Variants in BCAS3 observed in about 807,000 individuals in gnomAD.
BCAS3 encodes BCAS3 microtubule associated cell migration factor.
A neutral mutation model predicts 116.1 loss-of-function variants in BCAS3; 53 were observed. The observed-to-expected ratio is 0.46, with a 90% CI of 0.37 to 0.57. The LOEUF (loss-of-function observed/expected upper bound fraction) is 0.57, where lower values mean the gene tolerates loss of function less well. Ranked by LOEUF, BCAS3 falls within the 20% of genes least tolerant of loss-of-function variation. The probability of loss-of-function intolerance (pLI) is 0.00; values close to 1 mark genes in which losing one functional copy is unlikely to be tolerated. For synonymous variants in BCAS3, 391 were observed against 408.2 expected, an observed-to-expected ratio of 0.96 and a Z score of 0.51; for missense variants, 917 against 1,165.4, an observed-to-expected ratio of 0.79 and a Z score of 3.10.
intron 7 of BCAS3, among the ~76,000 whole-genome samples, chr17:60,832,642 TA>T (rs1420223157): frequency 6.6e-6 from 1 of 152,198 alleles, no homozygotes; most frequent in African/African-American, 2.4e-5. Flanking sequence ...ATTCCAAATG[TA>T]AAGAGGTTAT....
rs1209789861 is a variant in BCAS3, at chr17:61,046,084, AT to A, written c.2029+5193del. Among the ~76,000 whole-genome samples, 224 of 36,520 alleles carry A rather than the reference AT, an allele frequency of 6.1e-3. 27 individuals are homozygous for A. The highest frequency in any genetic ancestry group is 0.051 in the African/African-American group (206 of 4,014). 24.0% of individuals were successfully genotyped at this position (36,520 alleles called of 152,430 possible). A position where few individuals can be genotyped will look rare whatever the true frequency, so the allele number is the denominator to read the frequency against. On this transcript the variant is annotated intron_variant, in intron 19 of 23. Transcript: ENST00000407086. Reference sequence around the variant, plus strand: ...ATATATATATAATATATATATATTTATATATATATATAATATATATATATAT... The same window carrying A: ...ATATATATATAATATATATATATTTAATATATATATAATATATATATATAT...
At chr17:61,024,685 G>T (rs1003831142) in intron 16 of BCAS3, among the ~76,000 whole-genome samples, 1 of 151,416 alleles carries the variant, frequency 6.6e-6, no homozygotes, top group Non-Finnish European at 1.5e-5. Flanking sequence ...TTTGGCTAAC[G>T]TATGTTTCCT....
chr17:60,799,524 GTTTTTTTTTTT>G (rs869112996), intron 6 of BCAS3, among the ~76,000 whole-genome samples: 3 of 102,382 alleles, frequency 2.9e-5, no homozygotes, highest in Admixed American at 2.2e-4. Flanking sequence ...ATTAGTGTTT[GTTTTTTTTTTT>G]TTTTTTTTTT....
At position 61,156,834 on chromosome 17, in the gene BCAS3, C is replaced by T. The variant is rs73991496; in HGVS notation, c.2425+72270C>T. Among the ~76,000 whole-genome samples, 1 of 152,114 alleles carries T rather than the reference C, an allele frequency of 6.6e-6. No individual in the cohort carries two copies. Among genetic ancestry groups the T allele is most frequent in the Non-Finnish European group, 1.5e-5 (1 of 68,026 alleles). The stretch of plus-strand genomic sequence containing the variant: ...CCCTGAAGCTGGTACATACAGACCA[C>T]CTCAACGATGGACTCCTTTATGAAT... On this transcript the variant is annotated intron_variant, in intron 22 of 23. Coordinates refer to ENST00000407086, the MANE Select transcript of BCAS3 (RefSeq NM_017679.5). The surrounding 1 kb of genome is among the most constrained non-coding windows in gnomAD (Gnocchi z 4.7).
At chr17:61,053,578 G>T (rs1221052513) in intron 19 of BCAS3, among the ~76,000 whole-genome samples, 1 of 152,206 alleles carries the variant, frequency 6.6e-6, no homozygotes, top group Non-Finnish European at 1.5e-5. Flanking sequence ...TGTCACATTA[G>T]ATTTAACCTA....
At chr17:60,866,586 G>A (rs762352355) in intron 7 of BCAS3, among the ~76,000 whole-genome samples, 7 of 152,122 alleles carry the variant, frequency 4.6e-5, no homozygotes, top group East Asian at 3.9e-4. Flanking sequence ...TCTACCTTAC[G>A]AAAGAGTTCA....
intron 19 of BCAS3, among the ~76,000 whole-genome samples, chr17:61,059,061 A>ATTTTTTTTTT (rs1665097071): frequency 5.6e-5 from 2 of 35,834 alleles, no homozygotes; most frequent in Admixed American, 2.9e-4. Flanking sequence ...TTTTCTCCCC[A>ATTTTTTTTTT]TCTTTTTTTT....
chr17:60,989,505 C>T (rs544473284), intron 14 of BCAS3, among the ~76,000 whole-genome samples: 1 of 149,942 alleles, frequency 6.7e-6, no homozygotes, highest in East Asian at 2.0e-4. Context: ...AACATAACTG[C>T]ACTCATTTAC....
At chr17:60,944,695 A>G (rs1245432955) in intron 13 of BCAS3, among the ~76,000 whole-genome samples, 1 of 152,182 alleles carries the variant, frequency 6.6e-6, no homozygotes, top group Non-Finnish European at 1.5e-5. Flanking sequence ...GCTTATCCCA[A>G]GAATGCAAGG....
chr17:61,134,719 A>G lies in BCAS3; in HGVS notation c.2425+50155A>G, dbSNP rs9899552. On this transcript the variant is annotated intron_variant, in intron 22 of 23. Transcript: ENST00000407086. The surrounding 1 kb of genome is among the most constrained non-coding windows in gnomAD (Gnocchi z 4.6). ...ATTATATTTACAAACACCTCATTTA[A>G]CCTTCAAAACAATCCTTTTTGACAT... is the stretch of plus-strand genomic sequence containing the variant. Among the ~76,000 whole-genome samples, 130,484 of 152,188 alleles carry G rather than the reference A, an allele frequency of 0.86. 59,209 individuals are homozygous for G. The highest frequency in any genetic ancestry group is 1 in the Non-Finnish European group (67,796 of 68,032).
chr17:61,074,238 G>GA (rs1568292444), intron 19 of BCAS3, among the ~76,000 whole-genome samples: 2 of 148,450 alleles, frequency 1.3e-5, no homozygotes, highest in South Asian at 4.3e-4. Context: ...AAAAAAAGAA[G>GA]AAAAAAAGAA....
At position 61,325,622 on chromosome 17, in the gene BCAS3, A is replaced by G. The variant is rs1326183978; in HGVS notation, c.2426-42705A>G. Among the ~76,000 whole-genome samples, 3 of 152,216 alleles carry G rather than the reference A, an allele frequency of 2.0e-5. No individual in the cohort carries two copies. The highest frequency in any genetic ancestry group is 4.4e-5 in the Non-Finnish European group (3 of 68,040). On this transcript the variant is annotated intron_variant, in intron 22 of 23. Coordinates refer to ENST00000407086, the MANE Select transcript of BCAS3 (RefSeq NM_017679.5). This position sits in a 1 kb window ranked among gnomAD's most constrained non-coding sequence, Gnocchi z 6.4. ...CCACTGCCGCAGGGAGCATTGATATATGGCCCAAGCAAGGGACTAAAATCT... is the reference window on the plus strand; with the variant it reads ...CCACTGCCGCAGGGAGCATTGATATGTGGCCCAAGCAAGGGACTAAAATCT...
In BCAS3 at chr17:61,077,282, C is replaced by A. The variant is rs952592511; in HGVS notation, c.2131-1051C>A. On this transcript the variant is annotated intron_variant, in intron 20 of 23. Transcript: ENST00000407086. The surrounding 1 kb of genome is among the most constrained non-coding windows in gnomAD (Gnocchi z 4.3). ...CCTGTAATCCCAGCACTTTGGGAGGCCGAGGCAGGCGGATCACCAGGTCAG... is the reference window on the plus strand; with the variant it reads ...CCTGTAATCCCAGCACTTTGGGAGGACGAGGCAGGCGGATCACCAGGTCAG... Among the ~76,000 whole-genome samples the A allele has an allele frequency of 6.6e-6, 1 of 152,148 alleles. No individual in the cohort carries two copies. The highest frequency in any genetic ancestry group is 1.5e-5 in the Non-Finnish European group (1 of 68,032).
At chr17:61,055,008 G>T (rs1269893396) in intron 19 of BCAS3, among the ~76,000 whole-genome samples, 2 of 152,208 alleles carry the variant, frequency 1.3e-5, no homozygotes, top group East Asian at 3.9e-4. Flanking sequence ...TCTCACGTAA[G>T]TTTAAGGTTA....
intron 13 of BCAS3, among the ~76,000 whole-genome samples, chr17:60,930,279 C>T (rs1002502983): frequency 7.9e-5 from 12 of 152,086 alleles, no homozygotes; most frequent in African/African-American, 2.9e-4. Context: ...CTAATAAAAA[C>T]AGTATTGCTT....
At chr17:60,687,717 A>G (rs904283666) in intron 3 of BCAS3, among the ~76,000 whole-genome samples, 2 of 152,114 alleles carry the variant, frequency 1.3e-5, no homozygotes, top group East Asian at 3.8e-4. Flanking sequence ...ATATCTAAGC[A>G]TGGGAAAAGG....
At chr17:60,853,831 G>A (rs2053404482) in intron 7 of BCAS3, among the ~76,000 whole-genome samples, 1 of 151,876 alleles carries the variant, frequency 6.6e-6, no homozygotes, top group South Asian at 2.1e-4. Flanking sequence ...GTTGTAGCAT[G>A]TATAAACACC....
chr17:61,050,030 G>A (rs1368453359), intron 19 of BCAS3, among the ~76,000 whole-genome samples: 2 of 151,962 alleles, frequency 1.3e-5, no homozygotes, highest in Non-Finnish European at 2.9e-5. Context: ...ACTGCGCCCA[G>A]CCAGCAGATA....
intron 3 of BCAS3, among the ~76,000 whole-genome samples, chr17:60,685,450 C>CAAAAA (rs1204965872): frequency 9.2e-5 from 5 of 54,392 alleles, no homozygotes; most frequent in South Asian, 6.2e-4. Context: ...AACTCCGTCT[C>CAAAAA]AAAAAAAAAA....
Sources: allele counts gnomAD v4.1 joint callset (sites outside exome capture counted in the v4.1 genomes callset), GRCh38; gene constraint gnomAD v4.1.1; non-coding constraint Gnocchi (gnomAD v3.1); transcripts MANE v1.5; gene names NCBI Gene and HGNC (gene_info 2026-07-23, HGNC 2026-07-21).